Variants in ARB2A observed in about 807,000 individuals in gnomAD.
ARB2A encodes the protein cotranscriptional regulator ARB2A.
At chr5:93,770,640 T>A in the ARB2A span, among the ~76,000 whole-genome samples, 3 of 152,146 alleles carry the variant, frequency 2.0e-5, no homozygotes, top group South Asian at 2.1e-4. Flanking sequence ...TACAAAAATC[T>A]CAAGCATTCT....
chr5:93,659,144 A>T, the ARB2A span, among the ~76,000 whole-genome samples: 2 of 152,118 alleles, frequency 1.3e-5, no homozygotes, highest in Non-Finnish European at 2.9e-5. Flanking sequence ...ATGCTATATA[A>T]AAATGAGATT....
chr5:93,983,708 A>G, the ARB2A span, among the ~76,000 whole-genome samples: 101 of 152,328 alleles, frequency 6.6e-4, no homozygotes, highest in African/African-American at 2.4e-3. Context: ...TTGTGGTGAG[A>G]TCTGAAAGAC....
At chr5:93,946,639 G>A in the ARB2A span, among the ~76,000 whole-genome samples, 1 of 152,118 alleles carries the variant, frequency 6.6e-6, no homozygotes, top group African/African-American at 2.4e-5. Context: ...TGGATACAAT[G>A]AGTATAAATA....
chr5:93,766,288 A>G, the ARB2A span, among the ~76,000 whole-genome samples: 1 of 152,208 alleles, frequency 6.6e-6, no homozygotes. Flanking sequence ...CAATCCACTC[A>G]TCTGACAAAG....
the ARB2A span, among the ~76,000 whole-genome samples, chr5:93,627,654 C>G: frequency 1.3e-5 from 2 of 151,986 alleles, no homozygotes; most frequent in African/African-American, 4.8e-5. Context: ...GTTGGTCAGG[C>G]TGGTCTTGAA....
chr5:93,718,705 A>G, the ARB2A span, among the ~76,000 whole-genome samples: 1 of 152,176 alleles, frequency 6.6e-6, no homozygotes, highest in African/African-American at 2.4e-5. Flanking sequence ...CAACAACAAC[A>G]ACGTCTGTCC....
the ARB2A span, among the ~76,000 whole-genome samples, chr5:94,064,630 C>T: frequency 1.3e-5 from 2 of 152,202 alleles, no homozygotes; most frequent in African/African-American, 4.8e-5. Context: ...TTCTATCAGA[C>T]TAATAGCACA....
At chr5:93,855,994 G>A in the ARB2A span, among the ~76,000 whole-genome samples, 1 of 151,946 alleles carries the variant, frequency 6.6e-6, no homozygotes, top group East Asian at 1.9e-4. Context: ...AGAGAAGAAG[G>A]CTTCAGATGA....
chr5:93,646,330 T>C, the ARB2A span, among the ~76,000 whole-genome samples: 5 of 152,222 alleles, frequency 3.3e-5, no homozygotes, highest in South Asian at 2.1e-4. Context: ...TGTTTTTTTT[T>C]CTGAGGTCTT....
At chr5:93,635,544 C>T in the ARB2A span, among the ~76,000 whole-genome samples, 1 of 150,618 alleles carries the variant, frequency 6.6e-6, no homozygotes, top group Non-Finnish European at 1.5e-5. Context: ...TCACTGCAAC[C>T]TCCTCCTGCC....
chr5:93,859,768 T>C, the ARB2A span, among the ~76,000 whole-genome samples: 1 of 152,184 alleles, frequency 6.6e-6, no homozygotes, highest in Non-Finnish European at 1.5e-5. Flanking sequence ...TGATACCATA[T>C]TATAGTATCC....
chr5:93,635,868 G>A, the ARB2A span, among the ~76,000 whole-genome samples: 7 of 152,180 alleles, frequency 4.6e-5, no homozygotes, highest in African/African-American at 1.7e-4. Context: ...AATCATAGTT[G>A]AGGCTTTATA....
chr5:93,660,657 G>C, the ARB2A span, among the ~76,000 whole-genome samples: 1 of 152,120 alleles, frequency 6.6e-6, no homozygotes, highest in East Asian at 1.9e-4. Flanking sequence ...TTTAGATGAA[G>C]GGGAGCAAAT....
At chr5:93,865,923 C>A in the ARB2A span, 1 of 985,338 alleles carries the variant, frequency 1.0e-6, no homozygotes, top group Non-Finnish European at 1.2e-6. Flanking sequence ...AGGGCTGCCC[C>A]ATAAGGGCAC....
chr5:93,830,291 G>GTATA, the ARB2A span, among the ~76,000 whole-genome samples: 27 of 85,254 alleles, frequency 3.2e-4, 1 homozygote, highest in South Asian at 1.3e-3. Flanking sequence ...ATATTTATAT[G>GTATA]TATATATATG....
the ARB2A span, among the ~76,000 whole-genome samples, chr5:93,720,910 C>T: frequency 6.6e-6 from 1 of 152,246 alleles, no homozygotes; most frequent in South Asian, 2.1e-4. Context: ...CCTAACTAAA[C>T]TGGTAGGTGT....
the ARB2A span, among the ~76,000 whole-genome samples, chr5:93,876,596 C>T: frequency 2.0e-5 from 3 of 151,426 alleles, no homozygotes; most frequent in South Asian, 2.1e-4. Flanking sequence ...TTTACTTTTG[C>T]CTGTGTATAC....
At chr5:93,947,616 T>G in the ARB2A span, among the ~76,000 whole-genome samples, 2 of 149,876 alleles carry the variant, frequency 1.3e-5, no homozygotes, top group Non-Finnish European at 3.0e-5. Flanking sequence ...GCTGCACCCA[T>G]TAACTCGTCA....
chr5:93,950,435 G>A, the ARB2A span, among the ~76,000 whole-genome samples: 1 of 152,030 alleles, frequency 6.6e-6, no homozygotes. Context: ...TTGAGGTCAG[G>A]AGTTTGAGAC....
Sources: allele counts gnomAD v4.1 joint callset (sites outside exome capture counted in the v4.1 genomes callset), GRCh38; gene constraint gnomAD v4.1.1; transcripts MANE v1.5; gene names NCBI Gene and HGNC (gene_info 2026-07-23, HGNC 2026-07-21).